Variants in AGBL4 observed in about 807,000 individuals in gnomAD.
AGBL4 encodes the protein AGBL carboxypeptidase 4, also known as cytosolic carboxypeptidase 6.
In AGBL4, 58 loss-of-function variants were observed where a neutral mutation model predicts 66.4. The ratio of observed to expected loss-of-function variants is 0.87; its 90% CI spans 0.71 to 1.09. The LOEUF is 1.09. AGBL4 is among the 50% of genes least tolerant of loss of function. The pLI is 0.00. For synonymous variants in AGBL4, 234 were observed against 222.9 expected (o/e 1.05, Z -0.44); for missense variants, 579 against 631.0 (o/e 0.92, Z 0.88).
At chr1:49,476,164 C>T (rs933637559) in intron 3 of AGBL4, among the ~76,000 whole-genome samples, 4 of 151,936 alleles carry the variant, frequency 2.6e-5, no homozygotes, top group East Asian at 1.9e-4. Context: ...CTGCCTAAAT[C>T]TTGATGTTTA....
chr1:49,554,935 A>T (rs1005824047), intron 3 of AGBL4, among the ~76,000 whole-genome samples: 1 of 152,162 alleles, frequency 6.6e-6, no homozygotes, highest in Non-Finnish European at 1.5e-5. Flanking sequence ...GTGAAGCTGC[A>T]GACCTTCACG....
chr1:49,531,977 A>G (rs1247413620), intron 3 of AGBL4, among the ~76,000 whole-genome samples: 2 of 152,134 alleles, frequency 1.3e-5, no homozygotes, highest in Non-Finnish European at 2.9e-5. Flanking sequence ...AATACACTCT[A>G]TTTTGACTTT....
At chr1:48,772,685 T>C (rs961929102) in intron 6 of AGBL4, among the ~76,000 whole-genome samples, 12 of 152,174 alleles carry the variant, frequency 7.9e-5, no homozygotes, top group African/African-American at 2.7e-4. Context: ...ACTAAGACTG[T>C]GTTTTAGAAG....
chr1:48,627,903 C>T (rs576118720), intron 9 of AGBL4, among the ~76,000 whole-genome samples: 33 of 152,274 alleles, frequency 2.2e-4, no homozygotes, highest in Middle Eastern at 3.4e-3. Flanking sequence ...CTAGCAACAG[C>T]CTTTTCACTT....
At position 49,147,177 on chromosome 1, in the gene AGBL4, T is replaced by A. The variant is rs567194574; in HGVS notation, c.377+98593A>T. Among the ~76,000 whole-genome samples, 9 of 152,246 alleles carry A rather than the reference T, an allele frequency of 5.9e-5. No homozygotes were observed. The East Asian group carries it at 7.7e-4, about 13-fold the overall frequency. On this transcript the variant is annotated intron_variant, in intron 4 of 13. Coordinates refer to ENST00000371839, the MANE Select transcript of AGBL4 (RefSeq NM_032785.4). ...GTCTTAATCATTCTGCAGAATGACA[T>A]CTGAAAATCCATGCCCTGGAGACTC...
intron 4 of AGBL4, among the ~76,000 whole-genome samples, chr1:49,238,246 C>A (rs1650942005): frequency 1.3e-5 from 2 of 152,098 alleles, no homozygotes; most frequent in African/African-American, 4.8e-5. Context: ...ATGATTTCAT[C>A]CATTTTAAAC....
chr1:49,480,097 T>C (rs1646926029), intron 3 of AGBL4, among the ~76,000 whole-genome samples: 3 of 152,064 alleles, frequency 2.0e-5, no homozygotes, highest in African/African-American at 4.8e-5. Context: ...GAATATATGC[T>C]TGTATGTGTC....
At chr1:48,596,853 T>A (rs989292988) in intron 9 of AGBL4, among the ~76,000 whole-genome samples, 1 of 152,052 alleles carries the variant, frequency 6.6e-6, no homozygotes, top group Non-Finnish European at 1.5e-5. Context: ...AAAAGGGATA[T>A]AATAAGTCAA....
At chr1:49,722,982 A>C (rs990925480) in intron 2 of AGBL4, among the ~76,000 whole-genome samples, 1 of 152,010 alleles carries the variant, frequency 6.6e-6, no homozygotes, top group Non-Finnish European at 1.5e-5. Flanking sequence ...TACTATATGA[A>C]CTCTACACTG....
chr1:49,556,295 C>T (rs954418755), intron 3 of AGBL4, among the ~76,000 whole-genome samples: 7 of 151,948 alleles, frequency 4.6e-5, no homozygotes, highest in South Asian at 4.2e-4. Flanking sequence ...AACCAAACAC[C>T]GCATGTTCTC....
At chr1:49,674,807 A>T (rs1646548558) in intron 3 of AGBL4, among the ~76,000 whole-genome samples, 1 of 152,122 alleles carries the variant, frequency 6.6e-6, no homozygotes, top group Non-Finnish European at 1.5e-5. Flanking sequence ...TCACAACTTG[A>T]TACAATGAAA....
chr1:49,318,401 TGATGATGA>T (rs1285550813), intron 3 of AGBL4, among the ~76,000 whole-genome samples: 2 of 151,476 alleles, frequency 1.3e-5, no homozygotes, highest in Non-Finnish European at 2.9e-5. Context: ...ATGATGATGA[TGATGATGA>T]TGATGATGAT....
intron 1 of AGBL4, among the ~76,000 whole-genome samples, chr1:50,012,930 G>T (rs1337904317): frequency 2.0e-5 from 3 of 152,044 alleles, no homozygotes; most frequent in Admixed American, 6.6e-5. Context: ...AACATGCCCT[G>T]GTTTGTTTCC....
intron 1 of AGBL4, among the ~76,000 whole-genome samples, chr1:49,948,161 AAT>A (rs1422658198): frequency 5.9e-5 from 6 of 102,552 alleles, no homozygotes; most frequent in African/African-American, 2.5e-4. Flanking sequence ...AATATACGTA[AAT>A]ATATAAATAT....
intron 1 of AGBL4, among the ~76,000 whole-genome samples, chr1:49,966,684 T>G (rs1657592674): frequency 6.6e-6 from 1 of 152,116 alleles, no homozygotes; most frequent in Non-Finnish European, 1.5e-5. Context: ...ACAGTGTATC[T>G]ATATCATTAA....
chr1:49,286,784 T>C (rs1156404208), intron 3 of AGBL4, among the ~76,000 whole-genome samples: 3 of 152,146 alleles, frequency 2.0e-5, no homozygotes. Flanking sequence ...ATGGCCATAC[T>C]GCCTAAGGTA....
chr1:49,699,993 C>G (rs1202008111), intron 2 of AGBL4, among the ~76,000 whole-genome samples: 1 of 151,532 alleles, frequency 6.6e-6, no homozygotes, highest in Non-Finnish European at 1.5e-5. Flanking sequence ...TATATCAAAA[C>G]ATAATGTTCT....
At chr1:48,820,061 G>A (rs1646277108) in intron 6 of AGBL4, among the ~76,000 whole-genome samples, 1 of 152,170 alleles carries the variant, frequency 6.6e-6, no homozygotes, top group South Asian at 2.1e-4. Flanking sequence ...TCCATTCTAA[G>A]TAAGCACAAT....
intron 3 of AGBL4, among the ~76,000 whole-genome samples, chr1:49,408,107 C>T (rs1017887846): frequency 1.3e-5 from 2 of 152,148 alleles, no homozygotes; most frequent in African/African-American, 4.8e-5. Flanking sequence ...GATTCTACTC[C>T]TTTGCCTGAA....
Sources: gnomAD v4.1 joint callset for allele counts (sites outside exome capture counted in the v4.1 genomes callset) on GRCh38, gnomAD v4.1.1 for gene constraint, MANE v1.5 for transcripts, NCBI Gene and HGNC (gene_info 2026-07-23, HGNC 2026-07-21) for gene names.